Variants in COMT observed in about 807,000 individuals in gnomAD.
COMT encodes the protein catechol O-methyltransferase.
A neutral mutation model predicts 18.9 loss-of-function variants in COMT; 13 were observed. That is an observed-to-expected ratio of 0.69 (90% CI 0.45 to 1.09). The LOEUF (loss-of-function observed/expected upper bound fraction) is 1.09, where lower values mean the gene tolerates loss of function less well. Ranked by LOEUF, COMT falls within the 50% of genes least tolerant of loss-of-function variation. The pLI is 0.00. For missense variants in COMT, 329 were observed against 361.8 expected (o/e 0.91, Z 0.73); for synonymous variants, 150 against 160.9 (o/e 0.93, Z 0.51).
chr22:19,967,190 C>T (rs762225948), intron 5 of COMT: 13 of 1,304,734 alleles, frequency 1.0e-5, no homozygotes, highest in Middle Eastern at 2.1e-4. Flanking sequence ...TCTTTCAGTC[C>T]GCTGACGTCT....
intron 1 of COMT, among the ~76,000 whole-genome samples, chr22:19,945,424 A>T (rs1262666218): frequency 6.6e-6 from 1 of 152,218 alleles, no homozygotes; most frequent in African/African-American, 2.4e-5. Context: ...AGGACATTCC[A>T]GTCCAAACCT....
chr22:19,949,992 C>G (rs764763438), intron 1 of COMT, among the ~76,000 whole-genome samples: 1 of 152,130 alleles, frequency 6.6e-6, no homozygotes, highest in Non-Finnish European at 1.5e-5. Context: ...CAAAAAGTTA[C>G]GCTTAATAAT....
intron 1 of COMT, among the ~76,000 whole-genome samples, chr22:19,956,119 T>C (rs1271579118): frequency 1.5e-4 from 15 of 103,236 alleles, no homozygotes; most frequent in Admixed American, 1.3e-3. Flanking sequence ...TATCTTTCTT[T>C]CTTTTTTTTC....
intron 2 of COMT, chr22:19,962,176 C>T: frequency 2.8e-6 from 1 of 363,454 alleles, no homozygotes; most frequent in South Asian, 2.7e-5. Context: ...TCCTCTAAGC[C>T]AGCTGGGAGA....
chr22:19,963,491 G>T lies in COMT; in HGVS notation c.290-75G>T, dbSNP rs4646314. The T allele has an allele frequency of 1.6e-5, 24 of 1,537,634 alleles. No individual in the cohort carries two copies. The East Asian group carries it at 5.3e-4, about 34-fold the overall frequency. ...GGCTCCTGCTCTTTGGGAGAGGTGGGGGGCCGTGCCTGGGGATCCAAGTTC... is the reference window on the plus strand; with the variant it reads ...GGCTCCTGCTCTTTGGGAGAGGTGGTGGGCCGTGCCTGGGGATCCAAGTTC... On this transcript the variant is annotated intron_variant, in intron 3 of 5. Coordinates refer to ENST00000361682, the MANE Select transcript of COMT (RefSeq NM_000754.4).
rs761439220 is a variant in COMT, at chr22:19,968,785, A to G, written c.*49A>G. On this transcript the variant is annotated 3_prime_UTR_variant, in exon 6 of 6. Transcript: ENST00000361682. ...GGCTCTCTCACCCAGCCTGGTACTG[A>G]AGGTGCCAGACGTGCTCCTGCTGAC... 5 of 1,554,166 alleles carry G rather than the reference A, an allele frequency of 3.2e-6. No homozygotes were observed. The Admixed American group carries it at 8.7e-5, about 27-fold the overall frequency.
intron 1 of COMT, among the ~76,000 whole-genome samples, chr22:19,946,080 G>T (rs187869716): frequency 6.6e-6 from 1 of 152,280 alleles, no homozygotes; most frequent in East Asian, 1.9e-4. Context: ...TCAGTTGCAT[G>T]CAGGTACTGA....
intron 1 of COMT, among the ~76,000 whole-genome samples, chr22:19,960,729 T>G (rs960263003): frequency 6.6e-6 from 1 of 152,270 alleles, no homozygotes; most frequent in Non-Finnish European, 1.5e-5. Flanking sequence ...GCCTTTGGCC[T>G]TTTCCTGTGA....
intron 3 of COMT, 139 bp downstream of exon 3, chr22:19,962,954 G>A (rs1601527894): frequency 8.8e-6 from 10 of 1,139,360 alleles, no homozygotes; most frequent in South Asian, 1.6e-5. Flanking sequence ...GGGCTGGGGG[G>A]CTCCTCTGGA....
chr22:19,968,557 G>A lies in COMT; in HGVS notation c.637G>A (p.Gly213Arg), dbSNP rs747375116. The A allele has an allele frequency of 6.2e-7, 1 of 1,614,066 alleles. No homozygotes were observed. Among genetic ancestry groups the A allele is most frequent in the East Asian group, 2.2e-5 (1 of 44,890 alleles). The change falls in exon 6 of 6, where the codon GGG becomes AGG. Residue 213 changes from glycine to arginine, a missense_variant. Coordinates refer to ENST00000361682, the MANE Select transcript of COMT (RefSeq NM_000754.4). ...GCAGGAATGTGGCCTGCTGCGGAAGGGGACAGTGCTACTGGCTGACAACGT... is the reference window on the plus strand; with the variant it reads ...GCAGGAATGTGGCCTGCTGCGGAAGAGGACAGTGCTACTGGCTGACAACGT... ...LLEECGLLRK[G>R]TVLLADNVIC... is the part of the protein sequence containing the mutation.
At chr22:19,951,219 C>T (rs1941928807) in intron 1 of COMT, among the ~76,000 whole-genome samples, 1 of 151,952 alleles carries the variant, frequency 6.6e-6, no homozygotes, top group Non-Finnish European at 1.5e-5. Context: ...ATTAGCCGGG[C>T]GTTGTGGTGG....
rs558899650 is a variant in COMT, at chr22:19,955,020, T to A, written c.-91-6179T>A. Among the ~76,000 whole-genome samples, 24 of 152,144 alleles carry A rather than the reference T, an allele frequency of 1.6e-4. No individual in the cohort carries two copies. In the South Asian group the frequency reaches 4.8e-3, roughly 30 times the overall value. On this transcript the variant is annotated intron_variant, in intron 1 of 5. Coordinates refer to ENST00000361682, the MANE Select transcript of COMT (RefSeq NM_000754.4). ...GGATTTGATGGCATTTTTATTGTGGTGTTGTTTTAGAGACAGTGTCTGTCG... is the reference window on the plus strand; with the variant it reads ...GGATTTGATGGCATTTTTATTGTGGAGTTGTTTTAGAGACAGTGTCTGTCG...
intron 1 of COMT, among the ~76,000 whole-genome samples, chr22:19,954,842 C>T (rs931577748): frequency 3.5e-4 from 53 of 152,320 alleles, no homozygotes; most frequent in Non-Finnish European, 2.2e-4. Context: ...CTCACCTCTT[C>T]TCAGGTGTCA....
At chr22:19,951,849 G>A (rs1181492367) in intron 1 of COMT, among the ~76,000 whole-genome samples, 2 of 152,220 alleles carry the variant, frequency 1.3e-5, no homozygotes, top group African/African-American at 4.8e-5. Flanking sequence ...TTGCCACGGG[G>A]GCTTACTGAA....
At chr22:19,956,982 A>G (rs921641643) in intron 1 of COMT, among the ~76,000 whole-genome samples, 6 of 145,504 alleles carry the variant, frequency 4.1e-5, no homozygotes, top group Non-Finnish European at 7.5e-5. Context: ...ACGGAGTCTC[A>G]CTCTGTTACC....
intron 1 of COMT, among the ~76,000 whole-genome samples, chr22:19,955,426 A>C (rs1601517881): frequency 6.6e-6 from 1 of 152,216 alleles, no homozygotes; most frequent in Non-Finnish European, 1.5e-5. Context: ...TCGCAGTCGA[A>C]TCCCCTGCCA....
intron 5 of COMT, among the ~76,000 whole-genome samples, chr22:19,966,792 T>G (rs1335471577): frequency 1.3e-5 from 2 of 152,154 alleles, no homozygotes; most frequent in Non-Finnish European, 2.9e-5. Context: ...TCGCCCAGGC[T>G]GGAGTGCAGT....
At chr22:19,947,864 C>T (rs1686330317) in intron 1 of COMT, among the ~76,000 whole-genome samples, 1 of 152,198 alleles carries the variant, frequency 6.6e-6, no homozygotes, top group African/African-American at 2.4e-5. Flanking sequence ...GACGCAACTG[C>T]TAGACCAAGG....
rs770504262 is a variant in COMT, at chr22:19,964,305, C to T, written c.615+6C>T. On this transcript the variant is annotated splice_donor_region_variant and intron_variant, in intron 5 of 5. Transcript: ENST00000361682. ...CGGACACGCTTCTCTTGGAGGTGAG[C>T]CCCAACCAGGATGGCATCCGTGCCA... 6.2e-7 allele frequency: 1 copy of T among 1,613,850 alleles called. No homozygotes were observed. Among genetic ancestry groups the T allele is most frequent in the Non-Finnish European group, 8.5e-7 (1 of 1,180,036 alleles).
Sources: gnomAD v4.1 joint callset for allele counts (sites outside exome capture counted in the v4.1 genomes callset) on GRCh38, gnomAD v4.1.1 for gene constraint, MANE v1.5 for transcripts, NCBI Gene and HGNC (gene_info 2026-07-23, HGNC 2026-07-21) for gene names.